DYNC1LI1: variants seen among roughly 807,000 people sequenced by gnomAD.
DYNC1LI1 encodes dynein cytoplasmic 1 light intermediate chain 1.
In DYNC1LI1, 19 loss-of-function variants were observed where a neutral mutation model predicts 63.8. That is an observed-to-expected ratio of 0.30 (90% confidence interval 0.21 to 0.44). The LOEUF is 0.44. Ranked by LOEUF, DYNC1LI1 falls within the 20% of genes least tolerant of loss-of-function variation. The probability of loss-of-function intolerance (pLI) is 1.00; values close to 1 mark genes in which losing one functional copy is unlikely to be tolerated. For missense variants in DYNC1LI1, 565 were observed against 630.2 expected (o/e 0.90, Z 1.11); for synonymous variants, 225 against 232.3 (o/e 0.97, Z 0.28).
intron 4 of DYNC1LI1, among the ~76,000 whole-genome samples, chr3:32,543,940 C>A (rs1428711515): frequency 6.6e-6 from 1 of 150,758 alleles, no homozygotes; most frequent in Non-Finnish European, 1.5e-5. Context: ...GTGGTACGTG[C>A]CTGTACTACT....
chr3:32,532,876 T>C, intron 8 of DYNC1LI1, 110 bp downstream of exon 8: 1 of 1,387,070 alleles, frequency 7.2e-7, no homozygotes. Context: ...TTAGAAACCC[T>C]CCAGATGGAA....
chr3:32,570,248 G>T, intron 2 of DYNC1LI1, 98 bp downstream of exon 2: 1 of 999,076 alleles, frequency 1.0e-6, no homozygotes, highest in Non-Finnish European at 1.5e-6. Flanking sequence ...GGGCTGGGCC[G>T]GCTGTCCGCA....
intron 8 of DYNC1LI1, chr3:32,530,977 T>G (rs904497718): frequency 6.5e-6 from 1 of 153,778 alleles, no homozygotes; most frequent in Non-Finnish European, 1.4e-5. Flanking sequence ...TTAAGTGAAA[T>G]GCAACTTCTC....
In DYNC1LI1 at chr3:32,534,576, A is replaced by G. The variant is rs780877304; in HGVS notation, c.903T>C (p.Val301=). Residue 301 remains valine, a synonymous_variant, in exon 7 of 13, where the codon GTT becomes GTC. Transcript: ENST00000273130. The part of the protein sequence containing the change: ...KNIDLVYKYI[V]QKLYGFPYKI... Reference sequence around the variant, plus strand: ...TATAGGGAAATCCATATAGTTTCTGAACGATGTATTTATATACTAAGTCTA... The same window carrying G: ...TATAGGGAAATCCATATAGTTTCTGGACGATGTATTTATATACTAAGTCTA... The G allele has an allele frequency of 2.5e-6, 4 of 1,597,074 alleles. No individual in the cohort carries two copies. The highest frequency in any genetic ancestry group is 3.4e-6 in the Non-Finnish European group (4 of 1,166,952).
chr3:32,526,981 A>G, intron 12 of DYNC1LI1, 73 bp from the exon 13 acceptor site: 1 of 1,013,354 alleles, frequency 9.9e-7, no homozygotes, highest in Non-Finnish European at 1.5e-6. Flanking sequence ...ATATCTCTTC[A>G]TTTAAAAAGT....
At chr3:32,566,960 T>G (rs968637675) in intron 2 of DYNC1LI1, among the ~76,000 whole-genome samples, 1 of 152,198 alleles carries the variant, frequency 6.6e-6, no homozygotes, top group Non-Finnish European at 1.5e-5. Context: ...TATCATAGAC[T>G]TTTTGGATTT....
intron 5 of DYNC1LI1, 52 bp downstream of exon 5, chr3:32,540,985 T>C (rs1697872332): frequency 7.1e-7 from 1 of 1,402,118 alleles, no homozygotes; most frequent in Admixed American, 2.4e-5. Flanking sequence ...AACAAAACAG[T>C]TGTTCATCCT....
intron 2 of DYNC1LI1, among the ~76,000 whole-genome samples, chr3:32,558,643 CGA>C (rs1182840059): frequency 1.3e-5 from 2 of 151,930 alleles, no homozygotes; most frequent in Non-Finnish European, 2.9e-5. Flanking sequence ...GTTGGGAGTT[CGA>C]GATCAGCCTG....
At chr3:32,563,463 TC>T (rs1405911164) in intron 2 of DYNC1LI1, among the ~76,000 whole-genome samples, 1 of 151,952 alleles carries the variant, frequency 6.6e-6, no homozygotes, top group Non-Finnish European at 1.5e-5. Flanking sequence ...GGCTAATTTT[TC>T]TGTTTTTAGT....
chr3:32,561,013 A>C (rs1559444410), intron 2 of DYNC1LI1, among the ~76,000 whole-genome samples: 1 of 109,514 alleles, frequency 9.1e-6, no homozygotes, highest in African/African-American at 3.6e-5. Flanking sequence ...AAAAAAAAAA[A>C]AAAAAAAAAA....
intron 5 of DYNC1LI1, among the ~76,000 whole-genome samples, chr3:32,538,276 T>C (rs2125434287): frequency 6.7e-6 from 1 of 149,666 alleles, no homozygotes. Context: ...AGAGTCTCAT[T>C]ATATAATTAT....
chr3:32,552,766 T>C (rs545257899), intron 2 of DYNC1LI1, among the ~76,000 whole-genome samples: 1 of 152,054 alleles, frequency 6.6e-6, no homozygotes, highest in Admixed American at 6.6e-5. Context: ...AGTGCAGGGG[T>C]GCGATCTTGG....
At chr3:32,552,722 G>A (rs1196687755) in intron 2 of DYNC1LI1, among the ~76,000 whole-genome samples, 1 of 151,964 alleles carries the variant, frequency 6.6e-6, no homozygotes, top group Non-Finnish European at 1.5e-5. Context: ...TGTTGTTGTC[G>A]TTGAGACGGA....
In DYNC1LI1 at chr3:32,529,593, G is replaced by C. The variant is rs1697668254; in HGVS notation, c.1253C>G (p.Ala418Gly). The change falls in exon 11 of 13, where the codon GCC (alanine) becomes GGC (glycine). Residue 418 changes from alanine to glycine, a missense_variant. Transcript: ENST00000273130. ...TPNRSVSSNV[A>G]SVSPIPAGSK... ...CCCAGCAGGAATGGGTGACACGCTG[G>C]CAACATTAGATGATACAGATCTATT... 1.9e-6 allele frequency: 3 copies of C among 1,609,842 alleles called. No homozygotes were observed. The highest frequency in any genetic ancestry group is 1.3e-5 in the African/African-American group (1 of 74,804).
chr3:32,528,764 CTAA>C (rs1391125221), intron 11 of DYNC1LI1, among the ~76,000 whole-genome samples, 163 bp from the exon 12 acceptor site: 1 of 152,032 alleles, frequency 6.6e-6, no homozygotes, highest in Admixed American at 6.5e-5. Context: ...AGTAATTTCT[CTAA>C]TGAGTAAACT....
chr3:32,568,302 T>C (rs1208936810), intron 2 of DYNC1LI1, among the ~76,000 whole-genome samples: 1 of 152,202 alleles, frequency 6.6e-6, no homozygotes, highest in African/African-American at 2.4e-5. Flanking sequence ...AATGCTGCCA[T>C]ATGTGACGGT....
rs1490309109 is a variant in DYNC1LI1 at position 32,570,785 on chromosome 3, ACAC to A, written c.-18_-16del. The A allele has an allele frequency of 6.3e-7, 1 of 1,598,234 alleles. No individual in the cohort carries two copies. The highest frequency in any genetic ancestry group is 1.1e-5 in the South Asian group (1 of 89,712). On this transcript the variant is annotated 5_prime_UTR_variant, in exon 1 of 13. Coordinates refer to ENST00000273130, the MANE Select transcript of DYNC1LI1 (RefSeq NM_016141.4). ...ACGGCCGCCATCTTGGTCGGGAATC[ACAC>A]CACTCCCGGCAAGACTAAATGTGCG... is the stretch of plus-strand genomic sequence containing the variant.
intron 10 of DYNC1LI1, 37 bp from the exon 11 acceptor site, chr3:32,529,697 G>C (rs750600420): frequency 6.5e-7 from 1 of 1,527,634 alleles, no homozygotes; most frequent in Non-Finnish European, 8.8e-7. Flanking sequence ...ATAAAAACCT[G>C]AAACTTTCAT....
intron 2 of DYNC1LI1, among the ~76,000 whole-genome samples, chr3:32,558,142 G>A (rs1575158535): frequency 6.6e-6 from 1 of 152,078 alleles, no homozygotes; most frequent in Non-Finnish European, 1.5e-5. Context: ...GCTGAGGTGG[G>A]AGATCACCTG....
Sources: gnomAD v4.1 joint callset for allele counts (sites outside exome capture counted in the v4.1 genomes callset) on GRCh38, gnomAD v4.1.1 for gene constraint, MANE v1.5 for transcripts, NCBI Gene and HGNC (gene_info 2026-07-23, HGNC 2026-07-21) for gene names.